SYNPO2L: variants seen among roughly 807,000 people sequenced by gnomAD.
The protein encoded by SYNPO2L is synaptopodin 2-like protein.
In SYNPO2L, 34 loss-of-function variants were observed where a neutral mutation model predicts 47.5. The observed-to-expected ratio is 0.72, with a 90% CI of 0.54 to 0.95. The LOEUF (loss-of-function observed/expected upper bound fraction) is 0.95, where lower values mean the gene tolerates loss of function less well. SYNPO2L is among the 40% of genes least tolerant of loss of function. The pLI is 0.00. For synonymous variants in SYNPO2L, 536 were observed against 524.9 expected (o/e 1.02, Z -0.29); for missense variants, 1,246 against 1,282.0 (o/e 0.97, Z 0.43).
At chr10:73,650,814 G>A (rs947148062) in intron 3 of SYNPO2L, 10 of 1,433,004 alleles carry the variant, frequency 7.0e-6, no homozygotes, top group East Asian at 5.1e-5. Flanking sequence ...GAACAAGAGA[G>A]TAAGACCTTT....
In SYNPO2L at chr10:73,648,620, G is replaced by A; in HGVS notation, c.1032C>T (p.Arg344=). 1 of 1,614,058 alleles carries A rather than the reference G, an allele frequency of 6.2e-7. No homozygotes were observed. Among genetic ancestry groups the A allele is most frequent in the Non-Finnish European group, 8.5e-7 (1 of 1,179,922 alleles). The change falls in exon 4 of 4, where the codon CGC becomes CGT. Residue 344 remains arginine, a synonymous_variant. Coordinates refer to ENST00000394810, the MANE Select transcript of SYNPO2L (RefSeq NM_001114133.3). ...ELDEEAFSDA[R]SLTNQSDWDS... Reference sequence around the variant, plus strand: ...CCCAGTCAGATTGATTGGTGAGGCTGCGGGCGTCAGAGAAGGCTTCTTCGT... The same window carrying A: ...CCCAGTCAGATTGATTGGTGAGGCTACGGGCGTCAGAGAAGGCTTCTTCGT...
In SYNPO2L at chr10:73,646,988, G is replaced by A. The variant is rs751701107; in HGVS notation, c.2664C>T (p.Arg888=). The change falls in exon 4 of 4, where the codon CGC becomes CGT. Residue 888 remains arginine (R), a synonymous_variant. Transcript: ENST00000394810. ...GCTGGGGTGCCGGAGTGGAAAACCG[G>A]CGAATCTCCTGGACTCGGGCAGTTT... ...SPKTARVQEI[R]RFSTPAPQPT... is the part of the protein sequence containing the mutation. 1 of 1,612,772 alleles carries A rather than the reference G, an allele frequency of 6.2e-7. No homozygotes were observed. The highest frequency in any genetic ancestry group is 8.5e-7 in the Non-Finnish European group (1 of 1,179,028).
intron 3 of SYNPO2L, 128 bp downstream of exon 3, chr10:73,653,011 A>C: frequency 1.7e-6 from 2 of 1,172,886 alleles, no homozygotes; most frequent in Non-Finnish European, 2.3e-6. Context: ...CCTTCTACTC[A>C]TTACCCCTCC....
Position 73,647,059 on chromosome 10 carries a change from C to A in SYNPO2L, c.2593G>T (p.Asp865Tyr). The A allele has an allele frequency of 6.2e-7, 1 of 1,613,968 alleles. No individual in the cohort carries two copies. Among genetic ancestry groups the A allele is most frequent in the Non-Finnish European group, 8.5e-7 (1 of 1,179,984 alleles). The stretch of plus-strand genomic sequence containing the variant: ...GGGCCAGGAGTCGGGGGAACCTCAT[C>A]AAAACAGAACATGGCAGTTTTAAGT... ...YQLKTAMFCFDEVPPTPGPIA... is the reference protein window; with the variant it reads ...YQLKTAMFCFYEVPPTPGPIA... The change falls in exon 4 of 4, where the codon GAT becomes TAT. Residue 865 changes from aspartate to tyrosine, a missense_variant. By Grantham distance (160) the Asp-to-Tyr change is radical. This residue lies in a region of SYNPO2L where 1,037 missense variants were observed against 1,021.5 expected (regional missense o/e 1.02). Coordinates refer to ENST00000394810, the MANE Select transcript of SYNPO2L (RefSeq NM_001114133.3).
chr10:73,646,152 C>T lies in SYNPO2L; in HGVS notation c.*566G>A. 1.0e-6 allele frequency: 1 copy of T among 985,412 alleles called. No individual in the cohort carries two copies. The highest frequency in any genetic ancestry group is 1.2e-6 in the Non-Finnish European group (1 of 831,016). The allele number at this position is 985,412 out of a possible 1,614,324, so 61.0% of individuals were successfully genotyped here. A position where few individuals can be genotyped will look rare whatever the true frequency, so the allele number is the denominator to read the frequency against. On this transcript the variant is annotated 3_prime_UTR_variant, in exon 4 of 4. Transcript: ENST00000394810. ...GATTGGGTCTTTATTTTGACCTCCCCTCTTATTCATGCCTTAGACGGAAGA... is the reference window on the plus strand; with the variant it reads ...GATTGGGTCTTTATTTTGACCTCCCTTCTTATTCATGCCTTAGACGGAAGA...
At position 73,647,948 on chromosome 10, in the gene SYNPO2L, G is replaced by T. The variant is rs2081789462; in HGVS notation, c.1704C>A (p.Pro568=). 4 of 1,530,942 alleles carry T rather than the reference G, an allele frequency of 2.6e-6. No homozygotes were observed. In the African/African-American group the frequency reaches 5.5e-5, roughly 21 times the overall value. The allele number at this position is 1,530,942 out of a possible 1,614,324, so 94.8% of individuals were successfully genotyped here. Residue 568 remains proline, a synonymous_variant, in exon 4 of 4, where the codon CCC becomes CCA. Transcript: ENST00000394810. ...PVTPGGAPEP[P]APPSAAAMTS... ...TCATGGCAGCTGCGCTAGGAGGAGC[G>T]GGGGGCTCTGGAGCTCCACCTGGGG...
chr10:73,652,969 A>T (rs946155029), intron 3 of SYNPO2L, among the ~76,000 whole-genome samples, 170 bp downstream of exon 3: 1 of 152,200 alleles, frequency 6.6e-6, no homozygotes, highest in African/African-American at 2.4e-5. Flanking sequence ...AAACAGCAAA[A>T]ATAATGGTGG....
chr10:73,647,694 A>G lies in SYNPO2L; in HGVS notation c.1958T>C (p.Leu653Pro). 6 of 1,614,126 alleles carry G rather than the reference A, an allele frequency of 3.7e-6. No individual in the cohort carries two copies. Among genetic ancestry groups the G allele is most frequent in the Non-Finnish European group, 5.1e-6 (6 of 1,179,998 alleles). ...TTCATCCAGGTTCTGTACCAGCGAT[A>G]GCAGCTCGGGGTTGGGCGAGTTCTT... ...ETKNSPNPEL[L>P]SLVQNLDEKP... is the part of the protein sequence containing the mutation. The change falls in exon 4 of 4, where the codon CTA becomes CCA. Residue 653 changes from leucine to proline, a missense_variant. Around this residue, in one of 3 missense-constraint regions of SYNPO2L, gnomAD observed 1,037 missense variants for 1,021.5 expected, o/e 1.02. Transcript: ENST00000394810.
chr10:73,653,730 A>G, intron 2 of SYNPO2L, 77 bp from the exon 3 acceptor site: 1 of 1,448,872 alleles, frequency 6.9e-7, no homozygotes. Context: ...GGATGGAGGG[A>G]AGAGGTAAGG....
At chr10:73,650,318 C>T in intron 3 of SYNPO2L, 1 of 888,044 alleles carries the variant, frequency 1.1e-6, no homozygotes, top group Non-Finnish European at 1.4e-6. Flanking sequence ...TTTGTCATTC[C>T]TCTCATCCCA....
Position 73,648,462 on chromosome 10 carries a change from C to G in SYNPO2L, c.1190G>C (p.Arg397Pro). 6.2e-7 allele frequency: 1 copy of G among 1,611,544 alleles called. No individual in the cohort carries two copies. Among genetic ancestry groups the G allele is most frequent in the Non-Finnish European group, 8.5e-7 (1 of 1,179,858 alleles). ...GVQLFEQQRQ[R>P]ADSSTQELAR... Reference sequence around the variant, plus strand: ...CAGTTCCTGGGTGCTGGAGTCTGCGCGCTGGCGCTGCTGTTCAAAGAGCTG... The same window carrying G: ...CAGTTCCTGGGTGCTGGAGTCTGCGGGCTGGCGCTGCTGTTCAAAGAGCTG... The change falls in exon 4 of 4, where the codon CGC (arginine) becomes CCC (proline). Residue 397 changes from arginine to proline, a missense_variant. Transcript: ENST00000394810.
chr10:73,647,907 A>G lies in SYNPO2L; in HGVS notation c.1745T>C (p.Ile582Thr), dbSNP rs753777568. 5 of 1,529,140 alleles carry G rather than the reference A, an allele frequency of 3.3e-6. No homozygotes were observed. In the East Asian group the frequency reaches 1.1e-4, roughly 35 times the overall value. 94.7% of individuals were successfully genotyped at this position (1,529,140 alleles called of 1,614,324 possible). A position where few individuals can be genotyped will look rare whatever the true frequency, so the allele number is the denominator to read the frequency against. ...SAAAMTSTASIFLSAPLRPSA... is the reference protein window; with the variant it reads ...SAAAMTSTASTFLSAPLRPSA... ...GGGTCGCAAAGGCGCAGATAGGAAGATAGAAGCGGTGGAGGTCATGGCAGC... is the reference window on the plus strand; with the variant it reads ...GGGTCGCAAAGGCGCAGATAGGAAGGTAGAAGCGGTGGAGGTCATGGCAGC... Residue 582 changes from isoleucine to threonine, a missense_variant, in exon 4 of 4, where the codon ATC becomes ACC. By Grantham distance (89) the Ile-to-Thr change is moderately conservative. Around this residue, in one of 3 missense-constraint regions of SYNPO2L, gnomAD observed 1,037 missense variants for 1,021.5 expected, o/e 1.02. Transcript: ENST00000394810.
rs2132424274 is a variant in SYNPO2L, at chr10:73,654,255, C to G, written c.131G>C (p.Arg44Thr). The part of the protein sequence containing the change: ...SKIRRRSQAG[R>T]AGLRERDQLL... ...CTGGTCCCTCTCTCGGAGTCCTGCTCTGCCAGCCTGGCTCCGTCTTCGAAT... is the reference window on the plus strand; with the variant it reads ...CTGGTCCCTCTCTCGGAGTCCTGCTGTGCCAGCCTGGCTCCGTCTTCGAAT... Residue 44 changes from arginine (R) to threonine (T), a missense_variant, in exon 2 of 4, where the codon AGA (arginine) becomes ACA (threonine). By Grantham distance (71) the Arg-to-Thr change is moderately conservative. Around this residue, in one of 3 missense-constraint regions of SYNPO2L, gnomAD observed 61 missense variants for 55.6 expected, o/e 1.10. Transcript: ENST00000394810. 1.9e-6 allele frequency: 3 copies of G among 1,551,650 alleles called. No homozygotes were observed. In the East Asian group the frequency reaches 7.3e-5, roughly 38 times the overall value.
Position 73,653,309 on chromosome 10 carries a change from G to T in SYNPO2L, c.602C>A (p.Ser201Tyr). 7 of 1,551,586 alleles carry T rather than the reference G, an allele frequency of 4.5e-6. No individual in the cohort carries two copies. Among genetic ancestry groups the T allele is most frequent in the Non-Finnish European group, 5.2e-6 (6 of 1,146,960 alleles). Residue 201 changes from serine to tyrosine, a missense_variant, in exon 3 of 4, where the codon TCC becomes TAC. Transcript: ENST00000394810. Reference protein sequence around the residue: ...PPSQGDSRVSSPSWEDGAALQ... With the variant: ...PPSQGDSRVSYPSWEDGAALQ... ...GGCTGCCCCATCCTCCCAAGACGGG[G>T]AGCTCACACGGCTGTCACCCTGGCT...
chr10:73,653,685 T>G, intron 2 of SYNPO2L, 32 bp from the exon 3 acceptor site: 1 of 1,508,716 alleles, frequency 6.6e-7, no homozygotes, highest in Non-Finnish European at 8.9e-7. Context: ...GCTTGAGAGA[T>G]GGGCTGGGTA....
chr10:73,646,614 G>A lies in SYNPO2L; in HGVS notation c.*104C>T. The A allele has an allele frequency of 7.4e-7, 1 of 1,344,284 alleles. No homozygotes were observed. The highest frequency in any genetic ancestry group is 9.6e-7 in the Non-Finnish European group (1 of 1,041,448). 83.3% of individuals were successfully genotyped at this position (1,344,284 alleles called of 1,614,324 possible). A position where few individuals can be genotyped will look rare whatever the true frequency, so the allele number is the denominator to read the frequency against. ...ACTTGGAAACCATCTCTGGCAGGAG[G>A]CAATTTAGCTTCCAGATGCGTGACA... On this transcript the variant is annotated 3_prime_UTR_variant, in exon 4 of 4. Coordinates refer to ENST00000394810, the MANE Select transcript of SYNPO2L (RefSeq NM_001114133.3).
At chr10:73,650,862 C>T (rs1843893025) in intron 3 of SYNPO2L, 2 of 1,534,750 alleles carry the variant, frequency 1.3e-6, no homozygotes, top group Non-Finnish European at 1.8e-6. Flanking sequence ...GACATCTTCC[C>T]CTCCATTCTA....
intron 3 of SYNPO2L, among the ~76,000 whole-genome samples, chr10:73,652,066 C>CAAAA (rs1178972762): frequency 1.9e-4 from 9 of 47,790 alleles, no homozygotes; most frequent in African/African-American, 4.0e-4. Flanking sequence ...GACTCTATCT[C>CAAAA]AAAAAAAAAA....
In SYNPO2L at chr10:73,647,615, G is replaced by T; in HGVS notation, c.2037C>A (p.Leu679=). 6.2e-7 allele frequency: 1 copy of T among 1,614,128 alleles called. No individual in the cohort carries two copies. The highest frequency in any genetic ancestry group is 8.5e-7 in the Non-Finnish European group (1 of 1,180,004). Reference sequence around the variant, plus strand: ...GCATGAAGTTGCAGGCTTCAGCCCCGAGGCTCAGAGCATCTTCTTCAGGAC... The same window carrying T: ...GCATGAAGTTGCAGGCTTCAGCCCCTAGGCTCAGAGCATCTTCTTCAGGAC... The part of the protein sequence containing the change: ...ESGPEEDALS[L]GAEACNFMQP... Residue 679 remains leucine, a synonymous_variant, in exon 4 of 4, where the codon CTC becomes CTA. Coordinates refer to ENST00000394810, the MANE Select transcript of SYNPO2L (RefSeq NM_001114133.3).
Sources: allele counts gnomAD v4.1 joint callset (sites outside exome capture counted in the v4.1 genomes callset), GRCh38; gene constraint gnomAD v4.1.1; regional missense constraint gnomAD v4.1.1; transcripts MANE v1.5; gene names NCBI Gene and HGNC (gene_info 2026-07-23, HGNC 2026-07-21).